CTNNA2: variants seen among roughly 807,000 people sequenced by gnomAD.
The protein encoded by CTNNA2 is catenin alpha 2.
Under a neutral mutation model 101.0 loss-of-function variants are expected in CTNNA2, and 42 were observed. That is an observed-to-expected ratio of 0.42 (90% CI 0.32 to 0.54). CTNNA2 has a LOEUF of 0.54. Ranked by LOEUF, CTNNA2 falls within the 20% of genes least tolerant of loss-of-function variation. CTNNA2 has a pLI of 0.14. For missense variants in CTNNA2, 871 were observed against 1,223.1 expected (o/e 0.71, Z 4.29); for synonymous variants, 450 against 456.4 (o/e 0.99, Z 0.18).
intron 1 of CTNNA2, among the ~76,000 whole-genome samples, chr2:79,596,327 T>C (rs1375428722): frequency 1.3e-5 from 2 of 151,516 alleles, no homozygotes; most frequent in African/African-American, 4.9e-5. Flanking sequence ...GTAGGGAAAA[T>C]GGGGAAAAAA....
At chr2:80,307,292 T>G (rs1176132270) in intron 7 of CTNNA2, among the ~76,000 whole-genome samples, 1 of 152,036 alleles carries the variant, frequency 6.6e-6, no homozygotes, top group African/African-American at 2.4e-5. Context: ...ATTATGTATT[T>G]AAAGCATACC....
chr2:79,559,463 G>A (rs1161507085), intron 1 of CTNNA2, among the ~76,000 whole-genome samples: 2 of 151,934 alleles, frequency 1.3e-5, no homozygotes, highest in Admixed American at 1.3e-4. Context: ...TCATTTCTGT[G>A]TGGAAATGGA....
chr2:79,240,489 T>C (rs1225643628), intron 2 of CTNNA2, among the ~76,000 whole-genome samples: 1 of 152,178 alleles, frequency 6.6e-6, no homozygotes, highest in Non-Finnish European at 1.5e-5. Context: ...TTTCTATTCC[T>C]GTGTTTGCTT....
chr2:79,938,536 G>A (rs1169465321), intron 7 of CTNNA2, among the ~76,000 whole-genome samples: 1 of 152,178 alleles, frequency 6.6e-6, no homozygotes, highest in Non-Finnish European at 1.5e-5. Context: ...TTTAGAGAGT[G>A]AACCGAATTG....
intron 7 of CTNNA2, among the ~76,000 whole-genome samples, chr2:80,014,886 TCTTTC>T (rs1200205521): frequency 6.6e-6 from 1 of 152,228 alleles, no homozygotes; most frequent in Non-Finnish European, 1.5e-5. Context: ...GCTCAGAATC[TCTTTC>T]CTTTAATCAC....
intron 3 of CTNNA2, among the ~76,000 whole-genome samples, chr2:79,826,130 G>A (rs1388050274): frequency 6.6e-6 from 1 of 152,118 alleles, no homozygotes; most frequent in Non-Finnish European, 1.5e-5. Context: ...AGATATTCTA[G>A]CCTATGCATT....
intron 1 of CTNNA2, among the ~76,000 whole-genome samples, chr2:79,568,072 A>T (rs1194732713): frequency 6.6e-6 from 1 of 151,804 alleles, no homozygotes; most frequent in African/African-American, 2.4e-5. Flanking sequence ...AGGTTGGTAA[A>T]TTTTTTTCTC....
chr2:80,159,052 G>A (rs568058427), intron 7 of CTNNA2, among the ~76,000 whole-genome samples: 1 of 152,278 alleles, frequency 6.6e-6, no homozygotes, highest in East Asian at 1.9e-4. Context: ...AAGGACATGT[G>A]GGTTGTTTCC....
chr2:80,162,254 C>A (rs1704370007), intron 7 of CTNNA2, among the ~76,000 whole-genome samples: 1 of 152,048 alleles, frequency 6.6e-6, no homozygotes, highest in Admixed American at 6.6e-5. Flanking sequence ...CTTCATAAAA[C>A]CCTGAGGTGA....
intron 7 of CTNNA2, among the ~76,000 whole-genome samples, chr2:80,222,600 C>G (rs1708630997): frequency 6.6e-6 from 1 of 152,092 alleles, no homozygotes; most frequent in Admixed American, 6.5e-5. Context: ...GCACTTTTTT[C>G]TTCTTCACTC....
At chr2:79,576,413 TTTTTAA>T (rs2103863679) in intron 1 of CTNNA2, among the ~76,000 whole-genome samples, 1 of 152,330 alleles carries the variant, frequency 6.6e-6, no homozygotes, top group Admixed American at 6.5e-5. Flanking sequence ...ATATCTATTC[TTTTTAA>T]TTTTATCTTA....
At chr2:80,641,022 A>G (rs953845366) in intron 18 of CTNNA2, among the ~76,000 whole-genome samples, 1 of 152,192 alleles carries the variant, frequency 6.6e-6, no homozygotes, top group African/African-American at 2.4e-5. Flanking sequence ...AAAATATTGC[A>G]AAAGGCTAAA....
chr2:79,916,676 G>A (rs2104359338), intron 7 of CTNNA2, among the ~76,000 whole-genome samples: 1 of 150,306 alleles, frequency 6.7e-6, no homozygotes, highest in East Asian at 2.0e-4. Flanking sequence ...TCCACCTCCT[G>A]GGTTCAAGCG....
intron 3 of CTNNA2, among the ~76,000 whole-genome samples, chr2:79,331,326 C>A (rs2104418713): frequency 6.6e-6 from 1 of 152,214 alleles, no homozygotes; most frequent in East Asian, 1.9e-4. Context: ...GGATGTTTAT[C>A]CAGCATTGTA....
intron 3 of CTNNA2, among the ~76,000 whole-genome samples, chr2:79,352,200 T>C (rs1180452036): frequency 1.3e-5 from 2 of 152,174 alleles, no homozygotes; most frequent in Non-Finnish European, 2.9e-5. Flanking sequence ...TCACATTTGT[T>C]GACTGCTTGT....
intron 7 of CTNNA2, among the ~76,000 whole-genome samples, chr2:80,124,648 C>A (rs1344075915): frequency 6.6e-6 from 1 of 152,062 alleles, no homozygotes; most frequent in Non-Finnish European, 1.5e-5. Flanking sequence ...TCTTGAGAAC[C>A]AAATTCTGTT....
chr2:79,296,722 G>A (rs892944793), intron 2 of CTNNA2, among the ~76,000 whole-genome samples: 3 of 152,064 alleles, frequency 2.0e-5, no homozygotes, highest in Non-Finnish European at 4.4e-5. Context: ...CTCCCAAAAA[G>A]TAATGCCCTT....
At chr2:79,281,768 A>G (rs1274542488) in intron 2 of CTNNA2, among the ~76,000 whole-genome samples, 4 of 152,224 alleles carry the variant, frequency 2.6e-5, no homozygotes. Flanking sequence ...AGCATTTTCT[A>G]GAAACATAAT....
chr2:79,204,649 T>A (rs1264058630), intron 2 of CTNNA2, among the ~76,000 whole-genome samples: 1 of 152,218 alleles, frequency 6.6e-6, no homozygotes, highest in Non-Finnish European at 1.5e-5. Context: ...AATTTATTTT[T>A]AAAAAATAGA....
Sources: allele counts gnomAD v4.1 joint callset (sites outside exome capture counted in the v4.1 genomes callset), GRCh38; gene constraint gnomAD v4.1.1; transcripts MANE v1.5; gene names NCBI Gene and HGNC (gene_info 2026-07-23, HGNC 2026-07-21).